Variants in PFKFB3 observed in about 807,000 individuals in gnomAD.
PFKFB3 encodes 6-phosphofructo-2-kinase/fructose-2,6-bisphosphatase 3.
In PFKFB3, 33 loss-of-function variants were observed where a neutral mutation model predicts 68.0. The observed-to-expected ratio is 0.49, with a 90% CI of 0.37 to 0.65. The LOEUF is 0.65. Among genes scored for constraint, PFKFB3 ranks in the 30% least tolerant of loss-of-function variants. PFKFB3 has a pLI of 0.00. For synonymous variants in PFKFB3, 315 were observed against 288.2 expected (o/e 1.09, Z -0.94); for missense variants, 586 against 712.2 (o/e 0.82, Z 2.02).
At chr10:6,296,788 G>T in the PFKFB3 span, among the ~76,000 whole-genome samples, 11 of 152,278 alleles carry the variant, frequency 7.2e-5, no homozygotes, top group South Asian at 2.3e-3. Flanking sequence ...CGCCATCTTG[G>T]TTTTGGTGGG....
chr10:6,163,828 C>G (rs1842039412), intron 1 of PFKFB3: 1 of 151,926 alleles, frequency 6.6e-6, no homozygotes, highest in Non-Finnish European at 1.5e-5. Flanking sequence ...GCGCGCCCTC[C>G]CGGCGTGCGC....
At chr10:6,168,438 A>G (rs1485250700) in intron 1 of PFKFB3, among the ~76,000 whole-genome samples, 1 of 152,182 alleles carries the variant, frequency 6.6e-6, no homozygotes, top group Non-Finnish European at 1.5e-5. Flanking sequence ...GAATTTCCCA[A>G]ACATCTCTGT....
At chr10:6,256,504 G>T (rs1028093535), downstream of PFKFB3, among the ~76,000 whole-genome samples, 3 of 152,204 alleles carry the variant, frequency 2.0e-5, no homozygotes, top group African/African-American at 7.2e-5. Flanking sequence ...GGTCTGCAGC[G>T]CCTTCTTCGC....
chr10:6,206,560 G>C (rs1843720298), intron 1 of PFKFB3, among the ~76,000 whole-genome samples: 7 of 65,302 alleles, frequency 1.1e-4, no homozygotes. Flanking sequence ...CTCCCGGACG[G>C]GGCGGCTGGC....
At chr10:6,177,497 T>TTC (rs1407683248) in intron 1 of PFKFB3, among the ~76,000 whole-genome samples, 3 of 149,784 alleles carry the variant, frequency 2.0e-5, no homozygotes, top group South Asian at 2.1e-4. Context: ...TTTCTTTTCT[T>TTC]TCTCTCTCTC....
At chr10:6,238,055 C>A (rs1846061181), downstream of PFKFB3, among the ~76,000 whole-genome samples, 1 of 151,954 alleles carries the variant, frequency 6.6e-6, no homozygotes, top group Admixed American at 6.6e-5. Context: ...GAAAAGAAAA[C>A]CCCCATAAAG....
chr10:6,226,297 G>A lies in PFKFB3; in HGVS notation c.1447G>A (p.Val483Met). ...KPRINSFEEH[V>M]ASTSAALPSC... The stretch of plus-strand genomic sequence containing the variant: ...TCGCATCAACAGCTTTGAGGAGCAT[G>A]TGGCCTCCACCTCGGCCGCCCTGCC... Residue 483 changes from valine (V) to methionine (M), a missense_variant, in exon 14 of 15, where the codon GTG becomes ATG. Val to Met is a conservative substitution (Grantham distance 21, BLOSUM62 1). Coordinates refer to ENST00000379775, the MANE Select transcript of PFKFB3 (RefSeq NM_004566.4). 1.2e-6 allele frequency: 2 copies of A among 1,614,192 alleles called. No individual in the cohort carries two copies. The highest frequency in any genetic ancestry group is 1.7e-6 in the Non-Finnish European group (2 of 1,180,028).
chr10:6,269,865 T>A, the PFKFB3 span, among the ~76,000 whole-genome samples: 9 of 152,236 alleles, frequency 5.9e-5, no homozygotes, highest in South Asian at 1.9e-3. Flanking sequence ...GTGTGGTGGC[T>A]CACGCTTGTA....
chr10:6,317,342 A>G, the PFKFB3 span, among the ~76,000 whole-genome samples: 26 of 152,262 alleles, frequency 1.7e-4, no homozygotes, highest in African/African-American at 5.5e-4. Context: ...AACCTTCATA[A>G]AGAGAAGATA....
At chr10:6,177,438 C>CTCTTTCTTTCTCTCTTTCTTTCTT (rs1842540023) in intron 1 of PFKFB3, among the ~76,000 whole-genome samples, 1 of 86,630 alleles carries the variant, frequency 1.2e-5, no homozygotes, top group Non-Finnish European at 2.3e-5. Flanking sequence ...TCTTTTCTTT[C>CTCTTTCTTTCTCTCTTTCTTTCTT]TCTTTCTTTC....
the PFKFB3 span, among the ~76,000 whole-genome samples, chr10:6,288,509 C>T: frequency 6.6e-6 from 1 of 151,794 alleles, no homozygotes; most frequent in East Asian, 1.9e-4. Context: ...CAATTTCATC[C>T]ATGTCCCTAC....
chr10:6,145,032 CG>C (rs1164330141), intron 1 of PFKFB3: 1 of 1,330,074 alleles, frequency 7.5e-7, no homozygotes, highest in Non-Finnish European at 9.6e-7. Flanking sequence ...CCCGGTGACG[CG>C]GCCCACGCCC....
chr10:6,288,083 C>G, the PFKFB3 span, among the ~76,000 whole-genome samples: 1 of 151,976 alleles, frequency 6.6e-6, no homozygotes, highest in East Asian at 1.9e-4. Flanking sequence ...CTTTAAATAT[C>G]TCACTCCACT....
chr10:6,293,970 G>T, the PFKFB3 span: 1 of 512,340 alleles, frequency 2.0e-6, no homozygotes, highest in South Asian at 1.5e-5. Flanking sequence ...TTTCCATCTT[G>T]ATCCAATGGC....
intron 12 of PFKFB3, 64 bp downstream of exon 12, chr10:6,224,084 G>T: frequency 6.2e-7 from 1 of 1,609,832 alleles, no homozygotes; most frequent in Non-Finnish European, 8.5e-7. Context: ...TCTTGTGGCC[G>T]TGGGCTGTAA....
rs939983192 is a variant in PFKFB3 at position 6,203,418 on chromosome 10, C to G, written c.76+82C>G. 8.4e-6 allele frequency: 9 copies of G among 1,066,206 alleles called. No homozygotes were observed. In the East Asian group the frequency reaches 2.8e-4, roughly 33 times the overall value. 66.0% of individuals were successfully genotyped at this position (1,066,206 alleles called of 1,614,324 possible). ...TGTGTGGGGCGGCTTTGTGCCGACG[C>G]CCCTCTGCGGGGGGCGCGCCCGTGC... is the stretch of plus-strand genomic sequence containing the variant. On this transcript the variant is annotated intron_variant, in intron 1 of 14. Coordinates refer to ENST00000379775, the MANE Select transcript of PFKFB3 (RefSeq NM_004566.4).
chr10:6,222,047 A>G (rs536162061), intron 10 of PFKFB3, among the ~76,000 whole-genome samples: 32 of 151,616 alleles, frequency 2.1e-4, no homozygotes, highest in Middle Eastern at 3.4e-3. Context: ...GGGTGGCTCT[A>G]TATCCCCTGG....
At chr10:6,216,455 C>A (rs1844592101) in intron 4 of PFKFB3, among the ~76,000 whole-genome samples, 1 of 151,642 alleles carries the variant, frequency 6.6e-6, no homozygotes, top group African/African-American at 2.4e-5. Context: ...TGTCCCATTG[C>A]ACATTACTGT....
intron 1 of PFKFB3, among the ~76,000 whole-genome samples, chr10:6,194,130 A>G (rs1843104797): frequency 6.6e-6 from 1 of 152,168 alleles, no homozygotes; most frequent in African/African-American, 2.4e-5. Flanking sequence ...GGTCTAGACG[A>G]GGTGTAGAGA....
Sources: gnomAD v4.1 joint callset for allele counts (sites outside exome capture counted in the v4.1 genomes callset) on GRCh38, gnomAD v4.1.1 for gene constraint, MANE v1.5 for transcripts, NCBI Gene and HGNC (gene_info 2026-07-23, HGNC 2026-07-21) for gene names.